Variants in NUBPL observed in about 807,000 individuals in gnomAD.
NUBPL encodes NUBP iron-sulfur cluster assembly factor, mitochondrial.
A neutral mutation model predicts 45.7 loss-of-function variants in NUBPL; 31 were observed. The observed-to-expected ratio is 0.68, with a 90% confidence interval of 0.51 to 0.92. The LOEUF (loss-of-function observed/expected upper bound fraction) is 0.92, where lower values mean the gene tolerates loss of function less well. NUBPL is among the 40% of genes least tolerant of loss of function. The pLI is 0.00. For missense variants in NUBPL, 401 were observed against 398.7 expected (o/e 1.01, Z -0.05); for synonymous variants, 144 against 140.9 (o/e 1.02, Z -0.15).
intron 6 of NUBPL, among the ~76,000 whole-genome samples, chr14:31,675,794 T>C (rs1481203980): frequency 6.6e-6 from 1 of 152,174 alleles, no homozygotes; most frequent in Admixed American, 6.5e-5. Flanking sequence ...AAATTATGCA[T>C]ACAATGAGAT....
At chr14:31,633,451 A>C (rs2035398778) in intron 4 of NUBPL, among the ~76,000 whole-genome samples, 1 of 152,198 alleles carries the variant, frequency 6.6e-6, no homozygotes, top group Non-Finnish European at 1.5e-5. Context: ...TTGCAAGTTT[A>C]TTTTACTGAT....
At chr14:31,803,408 A>C (rs909251071) in intron 7 of NUBPL, among the ~76,000 whole-genome samples, 1 of 152,142 alleles carries the variant, frequency 6.6e-6, no homozygotes, top group African/African-American at 2.4e-5. Context: ...ACATTTGGCT[A>C]TTTTGGATTT....
At chr14:31,586,253 A>T (rs2033993632) in intron 3 of NUBPL, among the ~76,000 whole-genome samples, 1 of 152,196 alleles carries the variant, frequency 6.6e-6, no homozygotes. Context: ...ATTAATACAT[A>T]TTTATTTACA....
At chr14:31,691,666 G>A (rs143477808) in intron 6 of NUBPL, among the ~76,000 whole-genome samples, 2 of 152,300 alleles carry the variant, frequency 1.3e-5, no homozygotes, top group East Asian at 3.9e-4. Context: ...AAGGGAATAT[G>A]TTTAGCCCAG....
At chr14:31,742,391 T>G (rs1264124760) in intron 6 of NUBPL, among the ~76,000 whole-genome samples, 1 of 152,152 alleles carries the variant, frequency 6.6e-6, no homozygotes, top group Non-Finnish European at 1.5e-5. Flanking sequence ...TATGCCTGAA[T>G]TACCTGGGAT....
chr14:31,837,720 G>GA (rs2040304524), intron 8 of NUBPL, among the ~76,000 whole-genome samples: 1 of 152,024 alleles, frequency 6.6e-6, no homozygotes, highest in South Asian at 2.1e-4. Flanking sequence ...ATAATCAATT[G>GA]AAAAAATAGG....
intron 2 of NUBPL, 142 bp from the exon 3 acceptor site, chr14:31,564,872 A>C: frequency 1.8e-6 from 1 of 543,596 alleles, no homozygotes; most frequent in Non-Finnish European, 3.3e-6. Flanking sequence ...ATATATGTTC[A>C]AAATTTATAT....
chr14:31,821,573 G>T (rs532691225), intron 7 of NUBPL, among the ~76,000 whole-genome samples: 1 of 152,314 alleles, frequency 6.6e-6, no homozygotes, highest in South Asian at 2.1e-4. Context: ...GGGGACCCTT[G>T]TCACTGTTGG....
chr14:31,614,476 CACATACACAG>C, intron 4 of NUBPL, among the ~76,000 whole-genome samples: 1 of 152,280 alleles, frequency 6.6e-6, no homozygotes, highest in East Asian at 1.9e-4. Context: ...CACATACACA[CACATACACAG>C]ACACACATAC....
At chr14:31,776,002 C>T (rs746756846) in intron 6 of NUBPL, among the ~76,000 whole-genome samples, 1 of 152,186 alleles carries the variant, frequency 6.6e-6, no homozygotes, top group African/African-American at 2.4e-5. Flanking sequence ...TCAAAGAGTT[C>T]TCAGAGAAGG....
intron 8 of NUBPL, among the ~76,000 whole-genome samples, chr14:31,832,091 A>G (rs1211216020): frequency 6.6e-6 from 1 of 152,206 alleles, no homozygotes; most frequent in African/African-American, 2.4e-5. Flanking sequence ...GGTCTCAAGT[A>G]TAAATACACA....
chr14:31,677,744 C>T (rs1306578223), intron 6 of NUBPL, among the ~76,000 whole-genome samples: 1 of 152,212 alleles, frequency 6.6e-6, no homozygotes, highest in Non-Finnish European at 1.5e-5. Flanking sequence ...ACTGTGACTG[C>T]ACTAGTCAGA....
At chr14:31,696,944 G>A (rs1478195030) in intron 6 of NUBPL, among the ~76,000 whole-genome samples, 9 of 152,164 alleles carry the variant, frequency 5.9e-5, no homozygotes, top group Non-Finnish European at 1.5e-5. Flanking sequence ...AATCTGAAAA[G>A]AGAACAGGAA....
intron 4 of NUBPL, among the ~76,000 whole-genome samples, chr14:31,656,305 TTTTA>T (rs1281925429): frequency 6.6e-6 from 1 of 152,168 alleles, no homozygotes; most frequent in Non-Finnish European, 1.5e-5. Flanking sequence ...TTTGCTTTCT[TTTTA>T]TTTATGTGTT....
At chr14:31,579,125 C>A (rs2033796687) in intron 3 of NUBPL, among the ~76,000 whole-genome samples, 1 of 152,078 alleles carries the variant, frequency 6.6e-6, no homozygotes, top group African/African-American at 2.4e-5. Flanking sequence ...CCTGGAAAAG[C>A]CTTTGCTCTC....
chr14:31,667,046 C>T (rs796545696), intron 4 of NUBPL, among the ~76,000 whole-genome samples: 6 of 152,116 alleles, frequency 3.9e-5, no homozygotes, highest in African/African-American at 9.6e-5. Flanking sequence ...TTACTCTTCT[C>T]GAGGATTATC....
At chr14:31,692,929 A>G (rs1329466770) in intron 6 of NUBPL, among the ~76,000 whole-genome samples, 1 of 152,210 alleles carries the variant, frequency 6.6e-6, no homozygotes, top group African/African-American at 2.4e-5. Context: ...TTAACAGAAT[A>G]ATTAATGACC....
intron 6 of NUBPL, among the ~76,000 whole-genome samples, chr14:31,729,528 G>C (rs974661982): frequency 2.0e-5 from 3 of 151,882 alleles, no homozygotes; most frequent in African/African-American, 7.3e-5. Flanking sequence ...AATGTTTATT[G>C]GAATGTCAAG....
At chr14:31,669,848 A>T (rs908686894) in intron 4 of NUBPL, among the ~76,000 whole-genome samples, 1 of 108,186 alleles carries the variant, frequency 9.2e-6, no homozygotes, top group African/African-American at 3.6e-5. Flanking sequence ...TCCATGGTGT[A>T]TATGTACCAC....
Sources: allele counts gnomAD v4.1 joint callset (sites outside exome capture counted in the v4.1 genomes callset), GRCh38; gene constraint gnomAD v4.1.1; transcripts MANE v1.5; gene names NCBI Gene and HGNC (gene_info 2026-07-23, HGNC 2026-07-21).